The following PHF2 variants were observed in gnomAD, a reference collection of about 807,000 sequenced individuals.
The protein encoded by PHF2 is PHD finger protein 2, also known as lysine-specific demethylase PHF2.
Under a neutral mutation model 120.5 loss-of-function variants are expected in PHF2, and 27 were observed. The ratio of observed to expected loss-of-function variants is 0.22; its 90% CI spans 0.17 to 0.31. The LOEUF (loss-of-function observed/expected upper bound fraction) is 0.31, where lower values mean the gene tolerates loss of function less well. Among genes scored for constraint, PHF2 ranks in the 10% least tolerant of loss-of-function variants. The pLI, the probability that PHF2 is intolerant of heterozygous loss-of-function variation, is 1.00. For missense variants in PHF2, 1,024 were observed against 1,434.8 expected, an observed-to-expected ratio of 0.71 and a Z score of 4.63; for synonymous variants, 568 against 592.5, an observed-to-expected ratio of 0.96 and a Z score of 0.60.
At chr9:93,666,119 G>T (rs1210967200) in intron 16 of PHF2, 59 bp downstream of exon 16, 6 of 1,569,010 alleles carry the variant, frequency 3.8e-6, no homozygotes, top group Non-Finnish European at 4.4e-6. Context: ...AGTCCCCAAG[G>T]CCATGGTTTG....
intron 1 of PHF2, among the ~76,000 whole-genome samples, chr9:93,584,215 C>T (rs1453899842): frequency 1.3e-5 from 2 of 152,180 alleles, no homozygotes; most frequent in African/African-American, 4.8e-5. Context: ...ATAATGACTA[C>T]TGATGCACAA....
intron 1 of PHF2, among the ~76,000 whole-genome samples, chr9:93,619,842 T>A (rs1825796551): frequency 6.6e-6 from 1 of 151,946 alleles, no homozygotes; most frequent in Non-Finnish European, 1.5e-5. Flanking sequence ...TTTTTGTTGA[T>A]GTTCTGTTTA....
At chr9:93,655,810 A>T (rs1826448709) in intron 7 of PHF2, 124 bp from the exon 8 acceptor site, 4 of 665,972 alleles carry the variant, frequency 6.0e-6, no homozygotes, top group Non-Finnish European at 1.1e-5. Flanking sequence ...GGCGGGCAGG[A>T]GCTGGAGCCT....
chr9:93,648,446 G>A (rs1438113344), intron 4 of PHF2, among the ~76,000 whole-genome samples: 1 of 152,204 alleles, frequency 6.6e-6, no homozygotes, highest in Admixed American at 6.5e-5. Context: ...CACCTCATCT[G>A]TCCACACTAA....
chr9:93,675,296 G>A (rs920737426), intron 19 of PHF2, among the ~76,000 whole-genome samples: 18 of 152,358 alleles, frequency 1.2e-4, no homozygotes, highest in East Asian at 5.8e-4. Context: ...CTCCTCTCTG[G>A]TTTCTTCCTC....
intron 1 of PHF2, among the ~76,000 whole-genome samples, chr9:93,585,048 T>C (rs1327811649): frequency 6.6e-6 from 1 of 152,258 alleles, no homozygotes; most frequent in Non-Finnish European, 1.5e-5. Context: ...TTGATGGCAC[T>C]TTTATCTTTT....
chr9:93,584,099 A>G (rs533238083), intron 1 of PHF2, among the ~76,000 whole-genome samples: 12 of 152,336 alleles, frequency 7.9e-5, no homozygotes, highest in African/African-American at 2.6e-4. Context: ...AAGTGCTGGG[A>G]TTATAGGCAT....
chr9:93,648,205 T>G (rs1826295152), intron 4 of PHF2, among the ~76,000 whole-genome samples: 1 of 152,258 alleles, frequency 6.6e-6, no homozygotes, highest in African/African-American at 2.4e-5. Context: ...ATGTTGGTCC[T>G]GCAGAATGTC....
chr9:93,679,469 G>A lies in PHF2; in HGVS notation c.*1793G>A, dbSNP rs139226562. 6.5e-6 allele frequency: 2 copies of A among 308,020 alleles called. No homozygotes were observed. The highest frequency in any genetic ancestry group is 2.7e-5 in the South Asian group (1 of 37,324). 19.1% of individuals were successfully genotyped at this position (308,020 alleles called of 1,614,324 possible). ...ATGTACATTTCTAACAAAGTTTATC[G>A]TGGCTATTAAAGTGTTTTATTTCCC... On this transcript the variant is annotated 3_prime_UTR_variant, in exon 22 of 22. Transcript: ENST00000359246.
chr9:93,676,805 A>C lies in PHF2; in HGVS notation c.3044A>C (p.Glu1015Ala). 1 of 1,554,164 alleles carries C rather than the reference A, an allele frequency of 6.4e-7. No homozygotes were observed. The highest frequency in any genetic ancestry group is 8.7e-7 in the Non-Finnish European group (1 of 1,148,578). ...GGCAGCTCGCCAGAGCCCCCGCCTG[A>C]GTCGCATAGCAGCAGCCTGGCGGAC... is the stretch of plus-strand genomic sequence containing the variant. ...QEGSSPEPPPESHSSSLADHE... is the reference protein window; with the variant it reads ...QEGSSPEPPPASHSSSLADHE... The change falls in exon 21 of 22, where the codon GAG becomes GCG. Residue 1015 changes from glutamate (E) to alanine (A), a missense_variant. This residue lies in a region of PHF2 where 677 missense variants were observed against 857.4 expected (regional missense o/e 0.79). Coordinates refer to ENST00000359246, the MANE Select transcript of PHF2 (RefSeq NM_005392.4).
At chr9:93,654,757 G>A (rs1311050588) in intron 7 of PHF2, among the ~76,000 whole-genome samples, 182 bp downstream of exon 7, 1 of 152,192 alleles carries the variant, frequency 6.6e-6, no homozygotes, top group Non-Finnish European at 1.5e-5. Context: ...TCCCTTGTCC[G>A]GAGCTTACCG....
chr9:93,661,346 A>G (rs1252739905), intron 12 of PHF2, among the ~76,000 whole-genome samples: 4 of 152,292 alleles, frequency 2.6e-5, no homozygotes, highest in African/African-American at 7.2e-5. Flanking sequence ...TCTCTTTCTC[A>G]GGGCAAGCAT....
intron 17 of PHF2, among the ~76,000 whole-genome samples, chr9:93,670,240 A>G (rs1461316054): frequency 6.6e-6 from 1 of 152,198 alleles, no homozygotes; most frequent in Non-Finnish European, 1.5e-5. Context: ...GAGTGGCTAG[A>G]TGCAGTGACA....
At chr9:93,587,826 T>C (rs1021210459) in intron 1 of PHF2, among the ~76,000 whole-genome samples, 6 of 152,134 alleles carry the variant, frequency 3.9e-5, no homozygotes, top group Non-Finnish European at 7.4e-5. Context: ...GTCCACCTAG[T>C]GGCCAACTGT....
Position 93,656,694 on chromosome 9 carries a change from T to C in PHF2, c.1147+99T>C. 1 of 793,172 alleles carries C rather than the reference T, an allele frequency of 1.3e-6. No individual in the cohort carries two copies. The highest frequency in any genetic ancestry group is 2.1e-6 in the Non-Finnish European group (1 of 467,228). 49.1% of individuals were successfully genotyped at this position (793,172 alleles called of 1,614,324 possible). A position where few individuals can be genotyped will look rare whatever the true frequency, so the allele number is the denominator to read the frequency against. The stretch of plus-strand genomic sequence containing the variant: ...TGACTGTCTGGGTGTGAGTGCCGCC[T>C]TCCTGTGGCCTGAGCAAGTCCTCTT... On this transcript the variant is annotated intron_variant, in intron 9 of 21. Transcript: ENST00000359246. The surrounding 1 kb of genome is among the most constrained non-coding windows in gnomAD (Gnocchi z 4.1).
Position 93,659,533 on chromosome 9 carries a change from A to C in PHF2, c.1262A>C (p.Glu421Ala). 6.2e-7 allele frequency: 1 copy of C among 1,614,024 alleles called. No homozygotes were observed. Among genetic ancestry groups the C allele is most frequent in the Non-Finnish European group, 8.5e-7 (1 of 1,180,002 alleles). ...CAGGCTTTGGCAGAGCATGAGGACG[A>C]GCTCCCGGAGCACTTCAAACCTTCA... The part of the protein sequence containing the change: ...KKQALAEHED[E>A]LPEHFKPSQL... Residue 421 changes from glutamate (E) to alanine (A), a missense_variant, in exon 11 of 22, where the codon GAG becomes GCG. Glu to Ala is a moderately radical substitution (Grantham distance 107). Around this residue, in one of 2 missense-constraint regions of PHF2, gnomAD observed 347 missense variants for 577.4 expected, o/e 0.60. Transcript: ENST00000359246.
At chr9:93,594,174 T>G (rs1005877732) in intron 1 of PHF2, among the ~76,000 whole-genome samples, 1 of 106,300 alleles carries the variant, frequency 9.4e-6, no homozygotes, top group Admixed American at 1.1e-4. Flanking sequence ...GCACACCCCC[T>G]CTTCTCATGT....
intron 1 of PHF2, among the ~76,000 whole-genome samples, chr9:93,592,559 T>G (rs537004774): frequency 6.6e-6 from 1 of 152,270 alleles, no homozygotes; most frequent in African/African-American, 2.4e-5. Context: ...GGACAAGACT[T>G]AATGCTTGTG....
At chr9:93,661,599 A>T (rs1365140259) in intron 12 of PHF2, among the ~76,000 whole-genome samples, 4 of 151,810 alleles carry the variant, frequency 2.6e-5, no homozygotes, top group African/African-American at 7.3e-5. Flanking sequence ...AAATGGATGG[A>T]TGGGTGAATG....
Sources: gnomAD v4.1 joint callset for allele counts (sites outside exome capture counted in the v4.1 genomes callset) on GRCh38, gnomAD v4.1.1 for gene constraint, gnomAD v4.1.1 regional missense constraint, Gnocchi (gnomAD v3.1) non-coding constraint, MANE v1.5 for transcripts, NCBI Gene and HGNC (gene_info 2026-07-23, HGNC 2026-07-21) for gene names.